RASGRP2: variants seen among roughly 807,000 people sequenced by gnomAD.
RASGRP2 encodes RAS guanyl-releasing protein 2.
Under a neutral mutation model 71.0 loss-of-function variants are expected in RASGRP2, and 44 were observed. The ratio of observed to expected loss-of-function variants is 0.62; its 90% CI spans 0.49 to 0.80. RASGRP2 has a LOEUF of 0.80. Ranked by LOEUF, RASGRP2 falls within the 30% of genes least tolerant of loss-of-function variation. The pLI, the probability that RASGRP2 is intolerant of heterozygous loss-of-function variation, is 0.00. For synonymous variants in RASGRP2, 350 were observed against 330.7 expected, an observed-to-expected ratio of 1.06 and a Z score of -0.63; for missense variants, 663 against 813.4, an observed-to-expected ratio of 0.82 and a Z score of 2.25.
chr11:64,740,263 T>C (rs1306328195), intron 5 of RASGRP2, 100 bp from the exon 6 acceptor site: 2 of 1,478,426 alleles, frequency 1.4e-6, no homozygotes, highest in South Asian at 2.3e-5. Flanking sequence ...AGAACCTACA[T>C]AATGCGAGGC....
intron 15 of RASGRP2, 52 bp downstream of exon 15, chr11:64,728,811 G>A (rs2057660478): frequency 6.7e-7 from 1 of 1,500,304 alleles, no homozygotes; most frequent in Non-Finnish European, 9.1e-7. Context: ...CTTTGCCCCA[G>A]TAGCCCTGCA....
In RASGRP2 at chr11:64,729,755, A is replaced by G; in HGVS notation, c.1591+7T>C. 6.2e-7 allele frequency: 1 copy of G among 1,613,856 alleles called. No homozygotes were observed. The highest frequency in any genetic ancestry group is 8.5e-7 in the Non-Finnish European group (1 of 1,179,886). Reference sequence around the variant, plus strand: ...GCCCAGCAGCCCTTCCAGTCATTCCATCTCACCTCGGCATTTGAGGCCCTG... The same window carrying G: ...GCCCAGCAGCCCTTCCAGTCATTCCGTCTCACCTCGGCATTTGAGGCCCTG... On this transcript the variant is annotated splice_region_variant and intron_variant, in intron 14 of 16. Transcript: ENST00000394432.
rs2058163451 is a variant in RASGRP2 at position 64,742,506 on chromosome 11, T to A, written c.73+288A>T. ...TCCCAGGCCGGAGATAGCGAGTTCC[T>A]CCGGATTCCCCGGGAGACAGATAAT... On this transcript the variant is annotated intron_variant, in intron 2 of 16. Transcript: ENST00000394432. The surrounding 1 kb of genome is among the most constrained non-coding windows in gnomAD (Gnocchi z 4.7). 2 of 578,684 alleles carry A rather than the reference T, an allele frequency of 3.5e-6. No individual in the cohort carries two copies. Among genetic ancestry groups the A allele is most frequent in the Non-Finnish European group, 6.2e-6 (2 of 323,606 alleles). 35.8% of individuals were successfully genotyped at this position (578,684 alleles called of 1,614,324 possible).
In RASGRP2 at chr11:64,727,344, C is replaced by T. The variant is rs372060305; in HGVS notation, c.1788G>A (p.Glu596=). The T allele has an allele frequency of 3.2e-5, 52 of 1,613,740 alleles. No individual in the cohort carries two copies. The highest frequency in any genetic ancestry group is 4.4e-5 in the Non-Finnish European group (52 of 1,179,908). ...GSRPPEIREE[E]VQTVEDGVFD... is the part of the protein sequence containing the mutation. ...ACACCCCATCCTCCACCGTCTGTAC[C>T]TCCTCCTCACGGATCTCTGCTGGGA... Residue 596 remains glutamate, a synonymous_variant, in exon 16 of 17, where the codon GAG becomes GAA. Transcript: ENST00000394432.
At position 64,728,921 on chromosome 11, in the gene RASGRP2, A is replaced by G. The variant is rs142905286; in HGVS notation, c.1713T>C (p.His571=). ...GCAGAGAGAAGCTGAAGGCGCGGTG[A>G]TGGTGGCTGTGCATGGGTGAGGGTG... The part of the protein sequence containing the change: ...APSPSPMHSH[H]HRAFSFSLPR... Residue 571 remains histidine, a synonymous_variant, in exon 15 of 17, where the codon CAT becomes CAC. Transcript: ENST00000394432. The G allele has an allele frequency of 2.5e-6, 4 of 1,613,134 alleles. No individual in the cohort carries two copies. The African/African-American group carries it at 5.3e-5, about 22-fold the overall frequency.
In RASGRP2 at chr11:64,739,251, A is replaced by G; in HGVS notation, c.813+109T>C. The stretch of plus-strand genomic sequence containing the variant: ...AAGCACTTAACCCCTCTGAGCCTCC[A>G]TTTCCATATCTATCAAATGAGGACA... On this transcript the variant is annotated intron_variant, in intron 8 of 16. Coordinates refer to ENST00000394432, the MANE Select transcript of RASGRP2 (RefSeq NM_001098671.2). The surrounding 1 kb of genome is among the most constrained non-coding windows in gnomAD (Gnocchi z 4.2). 1.1e-6 allele frequency: 1 copy of G among 877,954 alleles called. No homozygotes were observed. Among genetic ancestry groups the G allele is most frequent in the South Asian group, 1.4e-5 (1 of 72,310 alleles). 54.4% of individuals were successfully genotyped at this position (877,954 alleles called of 1,614,324 possible). A position where few individuals can be genotyped will look rare whatever the true frequency, so the allele number is the denominator to read the frequency against.
intron 3 of RASGRP2, 95 bp from the exon 4 acceptor site, chr11:64,741,596 C>G: frequency 9.0e-7 from 1 of 1,117,046 alleles, no homozygotes; most frequent in Non-Finnish European, 1.3e-6. Context: ...GAGACACGTT[C>G]TAGGGATGGG....
At position 64,740,953 on chromosome 11, in the gene RASGRP2, G is replaced by C. The variant is rs752755233; in HGVS notation, c.366C>G (p.Asp122Glu). 2 of 1,613,732 alleles carry C rather than the reference G, an allele frequency of 1.2e-6. No individual in the cohort carries two copies. The highest frequency in any genetic ancestry group is 1.7e-5 in the Admixed American group (1 of 59,980). Reference protein sequence around the residue: ...NRRHSSLIDIDSVPTYKWKRQ... With the variant: ...NRRHSSLIDIESVPTYKWKRQ... ...TCTGTGCTCCCCCCACGCACACGCT[G>C]TCTATGTCGATTAGGCTGCTGTGCC... is the stretch of plus-strand genomic sequence containing the variant. The change falls in exon 5 of 17, where the codon GAC becomes GAG. Residue 122 changes from aspartate to glutamate, a missense_variant. Transcript: ENST00000394432.
chr11:64,742,781 C>A lies in RASGRP2; in HGVS notation c.73+13G>T. 1 of 1,600,128 alleles carries A rather than the reference C, an allele frequency of 6.2e-7. No homozygotes were observed. The highest frequency in any genetic ancestry group is 1.1e-5 in the South Asian group (1 of 88,770). ...CTAGGCTCAGGCTCCGTGTGCCCTC[C>A]CGAGCCACTCACCGAAGGCTTCGAT... On this transcript the variant is annotated intron_variant, in intron 2 of 16. Coordinates refer to ENST00000394432, the MANE Select transcript of RASGRP2 (RefSeq NM_001098671.2). This position sits in a 1 kb window ranked among gnomAD's most constrained non-coding sequence, Gnocchi z 4.7.
chr11:64,739,105 C>T lies in RASGRP2; in HGVS notation c.813+255G>A, dbSNP rs1012451785. On this transcript the variant is annotated intron_variant, in intron 8 of 16. Transcript: ENST00000394432. The surrounding 1 kb of genome is among the most constrained non-coding windows in gnomAD (Gnocchi z 4.2). ...GTGAGCTTGTGACTGCACCACTGAA[C>T]TCCAGTCTGGACAACAGAGAGAGAG... 6.6e-6 allele frequency among the ~76,000 whole-genome samples: 1 copy of T among 151,196 alleles called. No individual in the cohort carries two copies. Among genetic ancestry groups the T allele is most frequent in the Admixed American group, 6.6e-5 (1 of 15,152 alleles).
intron 12 of RASGRP2, among the ~76,000 whole-genome samples, chr11:64,730,949 T>G (rs2057745329): frequency 6.6e-6 from 1 of 152,236 alleles, no homozygotes; most frequent in African/African-American, 2.4e-5. Context: ...CCAAGTGCTA[T>G]TCCCATCGGG....
intron 5 of RASGRP2, chr11:64,740,401 A>G (rs1223502186): frequency 4.4e-6 from 3 of 682,510 alleles, no homozygotes; most frequent in East Asian, 3.0e-5. Context: ...CGCTGGGAAT[A>G]CAGAGATGAG....
At position 64,739,747 on chromosome 11, in the gene RASGRP2, C is replaced by G. The variant is rs764861080; in HGVS notation, c.585G>C (p.Arg195=). The G allele has an allele frequency of 6.2e-7, 1 of 1,613,884 alleles. No homozygotes were observed. Among genetic ancestry groups the G allele is most frequent in the Non-Finnish European group, 8.5e-7 (1 of 1,179,918 alleles). The change falls in exon 7 of 17, where the codon CGG becomes CGC. Residue 195 remains arginine (R), a synonymous_variant. Transcript: ENST00000394432. The surrounding 1 kb of genome is among the most constrained non-coding windows in gnomAD (Gnocchi z 4.2). ...GCTVDNPVLE[R]FISLFNSVSQ... is the part of the protein sequence containing the mutation. ...AGACGCTGTTGAAGAGGGAGATGAACCGCTCCAGGACGGGGTTGTCCACAG... is the reference window on the plus strand; with the variant it reads ...AGACGCTGTTGAAGAGGGAGATGAAGCGCTCCAGGACGGGGTTGTCCACAG...
chr11:64,736,774 G>T lies in RASGRP2; in HGVS notation c.1074C>A (p.Pro358=). 1 of 1,596,748 alleles carries T rather than the reference G, an allele frequency of 6.3e-7. No homozygotes were observed. Among genetic ancestry groups the T allele is most frequent in the East Asian group, 2.3e-5 (1 of 44,156 alleles). Residue 358 remains proline (P), a synonymous_variant, in exon 9 of 17, where the codon CCC becomes CCA. Transcript: ENST00000394432. The stretch of plus-strand genomic sequence containing the variant: ...TCACCGTGAGCAGGCTCAGCAGGTC[G>T]GGGTTGGCCTGTACTGGTGGCCGCA... ...TSLRPPVQAN[P]DLLSLLTVSL...
chr11:64,741,114 C>T (rs1301244635), intron 4 of RASGRP2, 35 bp from the exon 5 acceptor site: 15 of 1,607,724 alleles, frequency 9.3e-6, no homozygotes, highest in Non-Finnish European at 1.0e-5. Flanking sequence ...GATAGCCCTT[C>T]CCCCACCATC....
At chr11:64,741,129 AGCAGGCT>A in intron 4 of RASGRP2, 50 bp from the exon 5 acceptor site, 6 of 1,601,752 alleles carry the variant, frequency 3.7e-6, no homozygotes, top group Non-Finnish European at 5.1e-6. Flanking sequence ...ACCATCACCC[AGCAGGCT>A]GCAAGGAGCT....
Position 64,736,122 on chromosome 11 carries a change from C to T in RASGRP2, c.1096-142G>A, listed in dbSNP as rs1049103248. The stretch of plus-strand genomic sequence containing the variant: ...TCAGGACAAAGCCTGGCTTAGAACA[C>T]AGCACAGCAACCCCCATGTCATCCC... On this transcript the variant is annotated intron_variant, in intron 9 of 16. Coordinates refer to ENST00000394432, the MANE Select transcript of RASGRP2 (RefSeq NM_001098671.2). The T allele has an allele frequency of 1.0e-4, 72 of 722,720 alleles. 1 individual carries two copies. The African/African-American group carries it at 1.0e-3, about 10-fold the overall frequency. The allele number at this position is 722,720 out of a possible 1,614,324, so 44.8% of individuals were successfully genotyped here. A position where few individuals can be genotyped will look rare whatever the true frequency, so the allele number is the denominator to read the frequency against.
Position 64,729,789 on chromosome 11 carries a change from T to G in RASGRP2, c.1564A>C (p.Ile522Leu), listed in dbSNP as rs1404155909. ...CRHCKALILG[I>L]YKQGLKCRAC... ...CGGCATTTGAGGCCCTGCTTGTAGA[T>G]GCCCAGGATCTGCAATAGAGGAGGG... is the stretch of plus-strand genomic sequence containing the variant. Residue 522 changes from isoleucine to leucine, a missense_variant, in exon 14 of 17, where the codon ATC (isoleucine) becomes CTC (leucine). Ile to Leu is a conservative substitution (Grantham distance 5, BLOSUM62 2). Coordinates refer to ENST00000394432, the MANE Select transcript of RASGRP2 (RefSeq NM_001098671.2). The G allele has an allele frequency of 6.2e-7, 1 of 1,613,970 alleles. No individual in the cohort carries two copies. The highest frequency in any genetic ancestry group is 8.5e-7 in the Non-Finnish European group (1 of 1,180,008).
chr11:64,731,224 C>A (rs927955603), intron 12 of RASGRP2, among the ~76,000 whole-genome samples: 3 of 152,104 alleles, frequency 2.0e-5, no homozygotes, highest in Non-Finnish European at 4.4e-5. Context: ...GGCATAGTGG[C>A]AGGCACCTAT....
Sources: gnomAD v4.1 joint callset for allele counts (sites outside exome capture counted in the v4.1 genomes callset) on GRCh38, gnomAD v4.1.1 for gene constraint, Gnocchi (gnomAD v3.1) non-coding constraint, MANE v1.5 for transcripts, NCBI Gene and HGNC (gene_info 2026-07-23, HGNC 2026-07-21) for gene names.